Variants in ADAP1 observed in about 807,000 individuals in gnomAD.
The protein encoded by ADAP1 is arf-GAP with dual PH domain-containing protein 1.
A neutral mutation model predicts 54.9 loss-of-function variants in ADAP1; 31 were observed. The ratio of observed to expected loss-of-function variants is 0.56; its 90% CI spans 0.42 to 0.76. ADAP1 has a LOEUF of 0.76. Ranked by LOEUF, ADAP1 falls within the 30% of genes least tolerant of loss-of-function variation. The pLI is 0.00. For missense variants in ADAP1, 535 were observed against 512.4 expected, an observed-to-expected ratio of 1.04 and a Z score of -0.42; for synonymous variants, 313 against 202.6, an observed-to-expected ratio of 1.55 and a Z score of -4.63.
chr7:904,228 G>A lies in ADAP1; in HGVS notation c.546C>T (p.Ala182=), dbSNP rs553173230. The change falls in exon 6 of 11, where the codon GCC becomes GCT. Residue 182 remains alanine (A), a synonymous_variant. Coordinates refer to ENST00000265846, the MANE Select transcript of ADAP1 (RefSeq NM_006869.4). ...GGCCGATCTTGGCCGGCTGGAAGGTGGCGTTCAGGTGCTCGATCTTCATCA... is the reference window on the plus strand; with the variant it reads ...GGCCGATCTTGGCCGGCTGGAAGGTAGCGTTCAGGTGCTCGATCTTCATCA... ...KAVMKIEHLN[A]TFQPAKIGHP... 3.1e-6 allele frequency: 5 copies of A among 1,610,200 alleles called. No individual in the cohort carries two copies. The Admixed American group carries it at 5.0e-5, about 16-fold the overall frequency.
chr7:952,868 G>A (rs2128113736), intron 1 of ADAP1, among the ~76,000 whole-genome samples: 1 of 152,224 alleles, frequency 6.6e-6, no homozygotes, highest in South Asian at 2.1e-4. Context: ...TGGAAGCTTA[G>A]CAGGTGGGCC....
intron 2 of ADAP1, 73 bp downstream of exon 2, chr7:935,295 CCCGGCAT>C: frequency 6.6e-7 from 1 of 1,510,874 alleles, no homozygotes; most frequent in South Asian, 1.2e-5. Context: ...AGCCAGGCCG[CCCGGCAT>C]CTCTGGCTCC....
At chr7:914,553 G>A (rs1461520684) in intron 4 of ADAP1, among the ~76,000 whole-genome samples, 2 of 152,150 alleles carry the variant, frequency 1.3e-5, no homozygotes, top group African/African-American at 2.4e-5. Context: ...CCCAGACATG[G>A]GCTCAGGGTG....
intron 1 of ADAP1, among the ~76,000 whole-genome samples, chr7:943,839 G>GGAGGAGGAGGAAGGGAGA (rs1336619459): frequency 1.7e-5 from 2 of 115,246 alleles, no homozygotes; most frequent in African/African-American, 6.8e-5. Context: ...GAGGAGGAAG[G>GGAGGAGGAGGAAGGGAGA]GAGGAGGAGG....
intron 4 of ADAP1, among the ~76,000 whole-genome samples, chr7:910,795 G>C (rs1252065052): frequency 6.6e-6 from 1 of 152,148 alleles, no homozygotes; most frequent in Non-Finnish European, 1.5e-5. Context: ...CCATGGATGG[G>C]TGGCCTCTGA....
chr7:908,759 C>T (rs1279092527), intron 4 of ADAP1, among the ~76,000 whole-genome samples: 3 of 152,242 alleles, frequency 2.0e-5, no homozygotes, highest in African/African-American at 4.8e-5. Flanking sequence ...GCGGGCCCAG[C>T]GGCGCTTCCC....
intron 3 of ADAP1, chr7:923,189 G>T (rs145674504): frequency 6.6e-6 from 1 of 152,016 alleles, no homozygotes; most frequent in Admixed American, 6.6e-5. Flanking sequence ...CTGGGCCGCC[G>T]GGCATGTGGT....
chr7:949,363 C>T (rs1203335982), intron 1 of ADAP1, among the ~76,000 whole-genome samples: 1 of 152,248 alleles, frequency 6.6e-6, no homozygotes, highest in Admixed American at 6.5e-5. Flanking sequence ...CAAAATGGGG[C>T]CATGCAGCCA....
intron 4 of ADAP1, among the ~76,000 whole-genome samples, chr7:919,540 G>T (rs565917061): frequency 7.1e-6 from 1 of 141,818 alleles, no homozygotes; most frequent in Non-Finnish European, 1.5e-5. Context: ...GAGGGAAGGA[G>T]AGAGAGAGGG....
chr7:926,704 C>A lies in ADAP1; in HGVS notation c.214-60G>T, dbSNP rs1472692480. ...GGTCCCAGGGGCAGCCTAGGAGGTGCCAGCTGCCCTTGGGGCCGTCACCAC... is the reference window on the plus strand; with the variant it reads ...GGTCCCAGGGGCAGCCTAGGAGGTGACAGCTGCCCTTGGGGCCGTCACCAC... On this transcript the variant is annotated intron_variant, in intron 2 of 10. Transcript: ENST00000265846. The surrounding 1 kb of genome is among the most constrained non-coding windows in gnomAD (Gnocchi z 4.6). 1.5e-6 allele frequency: 2 copies of A among 1,370,992 alleles called. No individual in the cohort carries two copies. Among genetic ancestry groups the A allele is most frequent in the Non-Finnish European group, 2.0e-6 (2 of 1,020,324 alleles). 84.9% of individuals were successfully genotyped at this position (1,370,992 alleles called of 1,614,324 possible).
upstream of ADAP1, among the ~76,000 whole-genome samples, chr7:954,995 C>T (rs1847352284): frequency 6.6e-6 from 1 of 152,202 alleles, no homozygotes; most frequent in Non-Finnish European, 1.5e-5. Flanking sequence ...CCCCCAAGAC[C>T]ATGGGCATGG....
intron 4 of ADAP1, among the ~76,000 whole-genome samples, chr7:917,662 C>A (rs930871142): frequency 6.6e-6 from 1 of 152,162 alleles, no homozygotes; most frequent in African/African-American, 2.4e-5. Context: ...AACAGTTTTG[C>A]CACGTTGACC....
At chr7:902,247 T>G (rs1029743591) in intron 6 of ADAP1, among the ~76,000 whole-genome samples, 1 of 149,688 alleles carries the variant, frequency 6.7e-6, no homozygotes, top group Admixed American at 6.6e-5. Flanking sequence ...TCACCTGAGG[T>G]CGGGAGCTCG....
chr7:901,994 C>T (rs1333899360), intron 6 of ADAP1, among the ~76,000 whole-genome samples: 1 of 152,066 alleles, frequency 6.6e-6, no homozygotes, highest in Non-Finnish European at 1.5e-5. Flanking sequence ...CGGGGCATGC[C>T]TGGTGCACTC....
intron 2 of ADAP1, 118 bp downstream of exon 2, chr7:935,257 C>T: frequency 7.2e-7 from 1 of 1,396,966 alleles, no homozygotes; most frequent in African/African-American, 1.4e-5. Flanking sequence ...GCCAGGCCCC[C>T]AGAGTAGCCC....
At chr7:909,838 T>C (rs1434942871) in intron 4 of ADAP1, among the ~76,000 whole-genome samples, 1 of 150,402 alleles carries the variant, frequency 6.6e-6, no homozygotes, top group Non-Finnish European at 1.5e-5. Flanking sequence ...CCGCTGTGTG[T>C]CGGGTCCTAT....
Position 939,250 on chromosome 7 carries a change from G to A in ADAP1, c.83-3745C>T, listed in dbSNP as rs957948889. Among the ~76,000 whole-genome samples, 13 of 152,114 alleles carry A rather than the reference G, an allele frequency of 8.5e-5. No individual in the cohort carries two copies. In the East Asian group the frequency reaches 1.4e-3, roughly 16 times the overall value. On this transcript the variant is annotated intron_variant, in intron 1 of 10. Coordinates refer to ENST00000265846, the MANE Select transcript of ADAP1 (RefSeq NM_006869.4). Reference sequence around the variant, plus strand: ...TTGTTGTTTTTTGAGACAGAGTTTCGCTCTTGTTGTCCAGGCTGGAGTGCA... The same window carrying A: ...TTGTTGTTTTTTGAGACAGAGTTTCACTCTTGTTGTCCAGGCTGGAGTGCA...
In ADAP1 at chr7:946,154, A is replaced by T. The variant is rs1423065394; in HGVS notation, c.82+8242T>A. On this transcript the variant is annotated intron_variant, in intron 1 of 10. Transcript: ENST00000265846. The surrounding 1 kb of genome is among the most constrained non-coding windows in gnomAD (Gnocchi z 4.3). ...CTGTCCCCCAGGCACACAGCGCCCC[A>T]CTCCACGCCGGGACCCAGGCCCCTC... is the stretch of plus-strand genomic sequence containing the variant. 6.6e-6 allele frequency among the ~76,000 whole-genome samples: 1 copy of T among 151,822 alleles called. No homozygotes were observed. The highest frequency in any genetic ancestry group is 1.9e-4 in the East Asian group (1 of 5,152).
chr7:931,086 G>A (rs943752207), intron 2 of ADAP1, among the ~76,000 whole-genome samples: 4 of 151,086 alleles, frequency 2.6e-5, no homozygotes, highest in African/African-American at 7.3e-5. Context: ...AAGGAAGGAC[G>A]GAAGGAAGGA....
Sources: gnomAD v4.1 joint callset for allele counts (sites outside exome capture counted in the v4.1 genomes callset) on GRCh38, gnomAD v4.1.1 for gene constraint, Gnocchi (gnomAD v3.1) non-coding constraint, MANE v1.5 for transcripts, NCBI Gene and HGNC (gene_info 2026-07-23, HGNC 2026-07-21) for gene names.